Variants in NEURL1B observed in about 807,000 individuals in gnomAD.
NEURL1B encodes E3 ubiquitin-protein ligase NEURL1B.
NEURL1B carries 13 observed loss-of-function variants against 37.4 expected under a neutral mutation model. That is an observed-to-expected ratio of 0.35 (90% confidence interval 0.23 to 0.55). The LOEUF is 0.55. Among genes scored for constraint, NEURL1B ranks in the 20% least tolerant of loss-of-function variants. NEURL1B has a pLI of 0.89. For missense variants in NEURL1B, 790 were observed against 879.2 expected (o/e 0.90, Z 1.28); for synonymous variants, 432 against 426.6 (o/e 1.01, Z -0.16).
chr5:172,646,315 A>G (rs1023131442), intron 1 of NEURL1B, among the ~76,000 whole-genome samples: 1 of 152,178 alleles, frequency 6.6e-6, no homozygotes, highest in African/African-American at 2.4e-5. Flanking sequence ...CATGGAATAG[A>G]GAAAGTGAGT....
rs889933381 is a variant in NEURL1B at position 172,683,409 on chromosome 5, G to T, written c.578-10G>T. On this transcript the variant is annotated splice_polypyrimidine_tract_variant and intron_variant, in intron 2 of 4. Coordinates refer to ENST00000369800, the MANE Select transcript of NEURL1B (RefSeq NM_001142651.3). This position sits in a 1 kb window ranked among gnomAD's most constrained non-coding sequence, Gnocchi z 5.6. ...TCTCCCCCTCCATGTCCCTCCCTTT[G>T]TCCGCACAGAGAGCGCCTTCGCTGA... 17 of 1,338,718 alleles carry T rather than the reference G, an allele frequency of 1.3e-5. No individual in the cohort carries two copies. The highest frequency in any genetic ancestry group is 1.5e-5 in the Non-Finnish European group (16 of 1,038,912). The allele number at this position is 1,338,718 out of a possible 1,614,324, so 82.9% of individuals were successfully genotyped here.
chr5:172,677,571 G>A (rs1341909818), intron 2 of NEURL1B, among the ~76,000 whole-genome samples: 1 of 152,172 alleles, frequency 6.6e-6, no homozygotes, highest in East Asian at 1.9e-4. Context: ...CGAGGTCAGT[G>A]GCGCACAGAC....
At chr5:172,663,496 G>A (rs1245496437) in intron 1 of NEURL1B, among the ~76,000 whole-genome samples, 1 of 147,834 alleles carries the variant, frequency 6.8e-6, no homozygotes. Flanking sequence ...ACTCCAGCCT[G>A]GGGGACAGAG....
intron 1 of NEURL1B, among the ~76,000 whole-genome samples, chr5:172,651,384 A>G (rs1757660852): frequency 3.3e-5 from 5 of 152,256 alleles, no homozygotes; most frequent in Admixed American, 3.3e-4. Context: ...TGCGAGGGAA[A>G]TAAGAATTGA....
rs954035689 is a variant in NEURL1B at position 172,686,916 on chromosome 5, C to T, written c.1659C>T (p.Tyr553=). ...CCATCAAGGACGTCATTAAGATCTA[C>T]AGGCCATAGCCTAGCCTGCCCACGG... ...RRPIKDVIKI[Y]RP is the part of the protein sequence containing the mutation. Residue 553 remains tyrosine, a synonymous_variant, in exon 5 of 5, where the codon TAC becomes TAT. Transcript: ENST00000369800. The surrounding 1 kb of genome is among the most constrained non-coding windows in gnomAD (Gnocchi z 7.9). 6.5e-7 allele frequency: 1 copy of T among 1,547,304 alleles called. No individual in the cohort carries two copies. Among genetic ancestry groups the T allele is most frequent in the Non-Finnish European group, 8.7e-7 (1 of 1,144,140 alleles).
intron 1 of NEURL1B, among the ~76,000 whole-genome samples, chr5:172,659,455 C>T (rs764043816): frequency 3.6e-4 from 55 of 152,146 alleles, no homozygotes; most frequent in Non-Finnish European, 6.5e-4. Flanking sequence ...CAGGGGCTGC[C>T]AGGAGGAGAA....
intron 1 of NEURL1B, among the ~76,000 whole-genome samples, chr5:172,644,253 T>A (rs1757521660): frequency 6.6e-6 from 1 of 152,146 alleles, no homozygotes; most frequent in Admixed American, 6.6e-5. Context: ...GGCATTATCA[T>A]CTCCATATTA....
At position 172,647,264 on chromosome 5, in the gene NEURL1B, A is replaced by G. The variant is rs1266488957; in HGVS notation, c.31+5827A>G. Among the ~76,000 whole-genome samples the G allele has an allele frequency of 6.6e-6, 1 of 152,158 alleles. No individual in the cohort carries two copies. The highest frequency in any genetic ancestry group is 1.5e-5 in the Non-Finnish European group (1 of 68,002). ...GCAGAGAGGGAAGAGGGAGGGCGCCAGGTCGCAGCCCGACAGGTAGCACAC... is the reference window on the plus strand; with the variant it reads ...GCAGAGAGGGAAGAGGGAGGGCGCCGGGTCGCAGCCCGACAGGTAGCACAC... On this transcript the variant is annotated intron_variant, in intron 1 of 4. Coordinates refer to ENST00000369800, the MANE Select transcript of NEURL1B (RefSeq NM_001142651.3). This position sits in a 1 kb window ranked among gnomAD's most constrained non-coding sequence, Gnocchi z 4.2.
chr5:172,683,739 T>C lies in NEURL1B; in HGVS notation c.898T>C (p.Cys300Arg), dbSNP rs1758416540. 1.5e-6 allele frequency: 2 copies of C among 1,332,378 alleles called. No homozygotes were observed. Among genetic ancestry groups the C allele is most frequent in the Non-Finnish European group, 1.9e-6 (2 of 1,034,668 alleles). 82.5% of individuals were successfully genotyped at this position (1,332,378 alleles called of 1,614,324 possible). ...CCTGTCGGCCGACCGCAAAGTGGCC[T>C]GCGCACCGCGGCCCGACGGCGGCCG... ...VSLSADRKVA[C>R]APRPDGGRTL... Residue 300 changes from cysteine (C) to arginine (R), a missense_variant, in exon 3 of 5, where the codon TGC becomes CGC. By Grantham distance (180) the Cys-to-Arg change is radical (BLOSUM62 -3). Transcript: ENST00000369800. This position sits in a 1 kb window ranked among gnomAD's most constrained non-coding sequence, Gnocchi z 5.6.
At position 172,683,286 on chromosome 5, in the gene NEURL1B, CGGGGT is replaced by C. The variant is rs1238371860; in HGVS notation, c.578-123_578-119del. ...GATGGACAAAAGGAGAGTTCGAAGC[CGGGGT>C]GGGGTGGGGGCTGCTCGAGGCCCGG... On this transcript the variant is annotated intron_variant, in intron 2 of 4. Transcript: ENST00000369800. This position sits in a 1 kb window ranked among gnomAD's most constrained non-coding sequence, Gnocchi z 5.6. 4.8e-6 allele frequency: 5 copies of C among 1,038,996 alleles called. No individual in the cohort carries two copies. The highest frequency in any genetic ancestry group is 4.1e-5 in the South Asian group (1 of 24,228). The allele number at this position is 1,038,996 out of a possible 1,614,324, so 64.4% of individuals were successfully genotyped here. A position where few individuals can be genotyped will look rare whatever the true frequency, so the allele number is the denominator to read the frequency against.
chr5:172,686,312 C>A lies in NEURL1B; in HGVS notation c.1423+16C>A, dbSNP rs1247802363. 2 of 1,551,290 alleles carry A rather than the reference C, an allele frequency of 1.3e-6. No homozygotes were observed. Among genetic ancestry groups the A allele is most frequent in the South Asian group, 1.2e-5 (1 of 84,022 alleles). On this transcript the variant is annotated intron_variant, in intron 4 of 4. Coordinates refer to ENST00000369800, the MANE Select transcript of NEURL1B (RefSeq NM_001142651.3). This position sits in a 1 kb window ranked among gnomAD's most constrained non-coding sequence, Gnocchi z 7.9. Reference sequence around the variant, plus strand: ...TCATCCCTGGGTAAGGAAATGCAAACCCTGGCAGGGGCAGGGGCTGGCGGC... The same window carrying A: ...TCATCCCTGGGTAAGGAAATGCAAAACCTGGCAGGGGCAGGGGCTGGCGGC...
rs1468020207 is a variant in NEURL1B at position 172,656,649 on chromosome 5, A to G, written c.32-13136A>G. On this transcript the variant is annotated intron_variant, in intron 1 of 4. Coordinates refer to ENST00000369800, the MANE Select transcript of NEURL1B (RefSeq NM_001142651.3). ...CTTGAAAGCCTTATCTTCCTCGTCC[A>G]TCTCCTTGGCCTACTTCTTGGGCTG... is the stretch of plus-strand genomic sequence containing the variant. 2.5e-6 allele frequency: 4 copies of G among 1,595,920 alleles called. No homozygotes were observed. The African/African-American group carries it at 4.0e-5, about 16-fold the overall frequency.
intron 1 of NEURL1B, among the ~76,000 whole-genome samples, chr5:172,668,232 C>A (rs899856821): frequency 6.6e-6 from 1 of 152,214 alleles, no homozygotes; most frequent in Non-Finnish European, 1.5e-5. Context: ...GCTGTATTCC[C>A]AGTGCCTGGC....
At chr5:172,672,220 C>A (rs1410334907) in intron 2 of NEURL1B, among the ~76,000 whole-genome samples, 8 of 152,252 alleles carry the variant, frequency 5.3e-5, no homozygotes, top group African/African-American at 1.9e-4. Flanking sequence ...ACCCTCCAAG[C>A]TGGAGCCTAC....
intron 1 of NEURL1B, among the ~76,000 whole-genome samples, chr5:172,645,941 A>G (rs898097342): frequency 2.0e-5 from 3 of 152,218 alleles, no homozygotes; most frequent in East Asian, 1.9e-4. Flanking sequence ...CCAGCTGTAA[A>G]AAAAATCTTT....
chr5:172,649,967 AG>A (rs34494739), intron 1 of NEURL1B, among the ~76,000 whole-genome samples: 21,708 of 152,118 alleles, frequency 0.14, 2,007 homozygotes, highest in Admixed American at 0.24. Context: ...CTTCTAGGCA[AG>A]GGGGGGAAAG....
intron 2 of NEURL1B, among the ~76,000 whole-genome samples, chr5:172,673,380 C>T (rs1032340995): frequency 1.3e-5 from 2 of 152,088 alleles, no homozygotes; most frequent in African/African-American, 2.4e-5. Flanking sequence ...CTTTCCATCA[C>T]AAGGAACAAG....
chr5:172,667,048 G>A (rs945093014), intron 1 of NEURL1B, among the ~76,000 whole-genome samples: 1 of 151,892 alleles, frequency 6.6e-6, no homozygotes, highest in Non-Finnish European at 1.5e-5. Context: ...AACCAAAGAC[G>A]GCATGGACAA....
chr5:172,690,218 T>G lies in NEURL1B; in HGVS notation c.*3293T>G, dbSNP rs926661991. 4 of 152,262 alleles carry G rather than the reference T, an allele frequency of 2.6e-5. No homozygotes were observed. Among genetic ancestry groups the G allele is most frequent in the African/African-American group, 9.6e-5 (4 of 41,462 alleles). 9.4% of individuals were successfully genotyped at this position (152,262 alleles called of 1,614,324 possible). ...GAGACTCCTGAAAAACTGGGCTGTT[T>G]GCAAAGCAAATCCAGCTCCTTGTCC... On this transcript the variant is annotated 3_prime_UTR_variant, in exon 5 of 5. Coordinates refer to ENST00000369800, the MANE Select transcript of NEURL1B (RefSeq NM_001142651.3).
Sources: gnomAD v4.1 joint callset for allele counts (sites outside exome capture counted in the v4.1 genomes callset) on GRCh38, gnomAD v4.1.1 for gene constraint, Gnocchi (gnomAD v3.1) non-coding constraint, MANE v1.5 for transcripts, NCBI Gene and HGNC (gene_info 2026-07-23, HGNC 2026-07-21) for gene names.